The following DGKZ variants were observed in gnomAD, a reference collection of about 807,000 sequenced individuals.
DGKZ encodes diacylglycerol kinase zeta.
DGKZ carries 45 observed loss-of-function variants against 142.5 expected under a neutral mutation model. The observed-to-expected ratio is 0.32, with a 90% CI of 0.25 to 0.40. The LOEUF (loss-of-function observed/expected upper bound fraction) is 0.40. DGKZ is among the 10% of genes least tolerant of loss of function. The pLI is 1.00. For synonymous variants in DGKZ, 442 were observed against 527.0 expected, an observed-to-expected ratio of 0.84 and a Z score of 2.21; for missense variants, 755 against 1,306.5, an observed-to-expected ratio of 0.58 and a Z score of 6.51.
At chr11:46,371,158 G>A (rs182292853) in intron 6 of DGKZ, among the ~76,000 whole-genome samples, 155 bp from the exon 7 acceptor site, 90 of 152,190 alleles carry the variant, frequency 5.9e-4, no homozygotes, top group Non-Finnish European at 8.8e-4. Flanking sequence ...TACTTGGGGG[G>A]GCTGAGGCAG....
In DGKZ at chr11:46,350,343, C is replaced by G. The variant is rs576047633; in HGVS notation, c.161+2523C>G. 5.3e-5 allele frequency among the ~76,000 whole-genome samples: 8 copies of G among 152,298 alleles called. No individual in the cohort carries two copies. The East Asian group carries it at 1.5e-3, about 29-fold the overall frequency. ...TTCTGCCCCCTCCAATGCTGCTTGGCTGGTCCTGCTACCTTTGTTTGTTTG... is the reference window on the plus strand; with the variant it reads ...TTCTGCCCCCTCCAATGCTGCTTGGGTGGTCCTGCTACCTTTGTTTGTTTG... On this transcript the variant is annotated intron_variant, in intron 1 of 30. Transcript: ENST00000527911.
Position 46,367,674 on chromosome 11 carries a change from A to G in DGKZ, c.293A>G (p.His98Arg). The change falls in exon 3 of 31, where the codon CAC (histidine) becomes CGC (arginine). Residue 98 changes from histidine to arginine, a missense_variant. Around this residue, in one of 8 missense-constraint regions of DGKZ, gnomAD observed 81 missense variants for 86.5 expected, o/e 0.94. Transcript: ENST00000527911. The surrounding 1 kb of genome is among the most constrained non-coding windows in gnomAD (Gnocchi z 4.1). ...TAGGAGTCAGCGACATATGGGGAGC[A>G]CATCTGGTTCGAGACCAACGTGTCC... 1 of 1,606,338 alleles carries G rather than the reference A, an allele frequency of 6.2e-7. No individual in the cohort carries two copies. Among genetic ancestry groups the G allele is most frequent in the Non-Finnish European group, 8.5e-7 (1 of 1,175,308 alleles).
At chr11:46,345,006 G>A (rs1189602324), upstream of DGKZ, among the ~76,000 whole-genome samples, 3 of 152,204 alleles carry the variant, frequency 2.0e-5, no homozygotes, top group African/African-American at 7.2e-5. The surrounding 1 kb of genome is among the most constrained non-coding windows in gnomAD (Gnocchi z 4.1). Flanking sequence ...TGTGTAAGAT[G>A]GTATGCTGCA....
chr11:46,379,077 C>T, exon 28 of DGKZ: 1 of 1,603,006 alleles, frequency 6.2e-7, no homozygotes, highest in South Asian at 1.1e-5. Context: ...TCAGCACTGG[C>T]AGCAAGGATG....
chr11:46,377,459 C>A, intron 25 of DGKZ: 1 of 626,360 alleles, frequency 1.6e-6, no homozygotes, highest in Non-Finnish European at 2.5e-6. Flanking sequence ...CCTGGCAGCC[C>A]CCGGACCCAC....
At chr11:46,338,412 C>T (rs1489082897) in intron 1 of DGKZ, among the ~76,000 whole-genome samples, 1 of 143,054 alleles carries the variant, frequency 7.0e-6, no homozygotes, top group African/African-American at 2.6e-5. Context: ...AGGAGAATCG[C>T]TTGAACCCGG....
intron 1 of DGKZ, among the ~76,000 whole-genome samples, chr11:46,350,867 T>TC (rs1453754879): frequency 6.6e-6 from 1 of 151,392 alleles, no homozygotes; most frequent in Non-Finnish European, 1.5e-5. Flanking sequence ...TTTTTTTTTT[T>TC]TTTAGCTCAG....
chr11:46,374,219 G>A, exon 15 of DGKZ: 1 of 1,614,148 alleles, frequency 6.2e-7, no homozygotes, highest in Non-Finnish European at 8.5e-7. Context: ...TCACCCTGGA[G>A]TTCCACGAGT....
At chr11:46,366,265 T>C (rs1381538602) in intron 1 of DGKZ, 6 of 1,579,194 alleles carry the variant, frequency 3.8e-6, no homozygotes, top group East Asian at 2.2e-5. Context: ...CCATGGAGAC[T>C]TTCTTTAGGA....
At chr11:46,370,945 C>T (rs1412965056) in intron 6 of DGKZ, among the ~76,000 whole-genome samples, 2 of 151,892 alleles carry the variant, frequency 1.3e-5, no homozygotes, top group African/African-American at 2.4e-5. Flanking sequence ...ATTAGCTGGG[C>T]GTAGTGGTGG....
intron 1 of DGKZ, chr11:46,361,435 CTG>C: frequency 6.0e-6 from 1 of 166,216 alleles, no homozygotes; most frequent in South Asian, 2.0e-4. Context: ...CGCTCGTGCG[CTG>C]TGTGCCCGTC....
chr11:46,337,447 C>G (rs1339260579), intron 1 of DGKZ, among the ~76,000 whole-genome samples: 2 of 151,914 alleles, frequency 1.3e-5, no homozygotes, highest in African/African-American at 2.4e-5. Context: ...AGGCGCCCAC[C>G]ACCACGCCGG....
chr11:46,364,315 T>G, intron 1 of DGKZ: 8 of 1,251,382 alleles, frequency 6.4e-6, no homozygotes, highest in Non-Finnish European at 7.3e-6. Context: ...TTGCAGTTTA[T>G]GAAATGATCT....
rs564795023 is a variant in DGKZ, at chr11:46,352,751, C to T, written c.161+4931C>T. Reference sequence around the variant, plus strand: ...CCTGCGGCCAGGTTCTTCCGCTCCCCGAGTTCCTGGGCCACCCCTGAGCGG... The same window carrying T: ...CCTGCGGCCAGGTTCTTCCGCTCCCTGAGTTCCTGGGCCACCCCTGAGCGG... On this transcript the variant is annotated intron_variant, in intron 1 of 30. Transcript: ENST00000527911. Among the ~76,000 whole-genome samples the T allele has an allele frequency of 1.8e-4, 28 of 152,334 alleles. No individual in the cohort carries two copies. The East Asian group carries it at 4.6e-3, about 25-fold the overall frequency.
exon 1 of DGKZ, chr11:46,333,201 C>A (rs1229435511): frequency 2.7e-5 from 32 of 1,194,888 alleles, no homozygotes; most frequent in Middle Eastern, 6.5e-4. Flanking sequence ...GTCCCCGGCC[C>A]GGGCGGACTG....
At position 46,372,205 on chromosome 11, in the gene DGKZ, G is replaced by A. The variant is rs1180690962; in HGVS notation, c.927+35G>A. 6.5e-7 allele frequency: 1 copy of A among 1,546,066 alleles called. No individual in the cohort carries two copies. The highest frequency in any genetic ancestry group is 8.8e-7 in the Non-Finnish European group (1 of 1,140,370). ...GCCTTGCCTCTCAGCTAAGGGCTCG[G>A]GCGGGGGTTGGGGTCCAGCCCGTCT... On this transcript the variant is annotated intron_variant, in intron 10 of 30. Coordinates refer to ENST00000527911, the Ensembl canonical transcript of DGKZ. This position sits in a 1 kb window ranked among gnomAD's most constrained non-coding sequence, Gnocchi z 5.9.
chr11:46,370,052 T>G (rs12575519), intron 6 of DGKZ, 43 bp downstream of exon 6: 288,015 of 1,611,222 alleles, frequency 0.18, 30,991 homozygotes, highest in African/African-American at 0.5. Context: ...GCACCTGCGG[T>G]CCTGAGCCCA....
Position 46,367,827 on chromosome 11 carries a change from C to A in DGKZ, c.366+80C>A, listed in dbSNP as rs769254198. 3.7e-5 allele frequency: 58 copies of A among 1,573,748 alleles called. 1 individual carries two copies. The Middle Eastern group carries it at 2.0e-3, about 54-fold the overall frequency. On this transcript the variant is annotated intron_variant, in intron 3 of 30. Transcript: ENST00000527911. This position sits in a 1 kb window ranked among gnomAD's most constrained non-coding sequence, Gnocchi z 4.1. ...CCTTCCGGGAACGTGGGATTGAGCC[C>A]GCTCCCTGGCACCCCTGCTGTGGGC... is the stretch of plus-strand genomic sequence containing the variant.
At position 46,375,055 on chromosome 11, in the gene DGKZ, C is replaced by A; in HGVS notation, c.1710+10C>A. 1.3e-6 allele frequency: 2 copies of A among 1,580,668 alleles called. No homozygotes were observed. The highest frequency in any genetic ancestry group is 8.6e-7 in the Non-Finnish European group (1 of 1,169,382). On this transcript the variant is annotated intron_variant, in intron 19 of 30. Coordinates refer to ENST00000527911, the Ensembl canonical transcript of DGKZ. ...CACCATGACGTCGTTGGTGAGTGGGCCCTGGGCCCATGGTGCCTGGGAGCA... is the reference window on the plus strand; with the variant it reads ...CACCATGACGTCGTTGGTGAGTGGGACCTGGGCCCATGGTGCCTGGGAGCA...
Sources: gnomAD v4.1 joint callset for allele counts (sites outside exome capture counted in the v4.1 genomes callset) on GRCh38, gnomAD v4.1.1 for gene constraint, gnomAD v4.1.1 regional missense constraint, Gnocchi (gnomAD v3.1) non-coding constraint, MANE v1.5 for transcripts, NCBI Gene and HGNC (gene_info 2026-07-23, HGNC 2026-07-21) for gene names.